Variants in BMP5 observed in about 807,000 individuals in gnomAD.
BMP5 encodes bone morphogenetic protein 5.
A neutral mutation model predicts 46.6 loss-of-function variants in BMP5; 23 were observed. The ratio of observed to expected loss-of-function variants is 0.49; its 90% CI spans 0.35 to 0.70. The LOEUF is 0.70. Ranked by LOEUF, BMP5 falls within the 30% of genes least tolerant of loss-of-function variation. The pLI, the probability that BMP5 is intolerant of heterozygous loss-of-function variation, is 0.00. For synonymous variants in BMP5, 204 were observed against 191.9 expected, an observed-to-expected ratio of 1.06 and a Z score of -0.52; for missense variants, 545 against 565.6, an observed-to-expected ratio of 0.96 and a Z score of 0.37.
chr6:55,857,636 T>C (rs1265918862), intron 1 of BMP5, among the ~76,000 whole-genome samples: 9 of 152,248 alleles, frequency 5.9e-5, no homozygotes, highest in Admixed American at 3.9e-4. Context: ...ATAAAGTATA[T>C]AATTTGTGGG....
chr6:55,827,671 TA>T (rs1776564894), intron 1 of BMP5, among the ~76,000 whole-genome samples: 1 of 151,828 alleles, frequency 6.6e-6, no homozygotes, highest in East Asian at 1.9e-4. Flanking sequence ...AAGGAAAAAT[TA>T]TTAAGTGAAT....
At chr6:55,756,665 AG>A (rs1255071486) in intron 6 of BMP5, among the ~76,000 whole-genome samples, 1 of 151,890 alleles carries the variant, frequency 6.6e-6, no homozygotes, top group Non-Finnish European at 1.5e-5. Context: ...GAAATGATAT[AG>A]GGGCCTTGCA....
At chr6:55,779,857 A>G (rs982869664) in intron 3 of BMP5, among the ~76,000 whole-genome samples, 3 of 149,380 alleles carry the variant, frequency 2.0e-5, no homozygotes, top group African/African-American at 7.3e-5. Flanking sequence ...TTGTTTTTCA[A>G]ATGGTTTACA....
intron 1 of BMP5, among the ~76,000 whole-genome samples, chr6:55,849,367 A>G (rs1333812443): frequency 6.6e-6 from 1 of 152,116 alleles, no homozygotes; most frequent in Admixed American, 6.6e-5. Flanking sequence ...ATGTGCACAC[A>G]TATACCAGGG....
chr6:55,793,184 G>C (rs1318576261), intron 3 of BMP5, among the ~76,000 whole-genome samples: 1 of 152,058 alleles, frequency 6.6e-6, no homozygotes, highest in African/African-American at 2.4e-5. Context: ...TGAATATATT[G>C]GCCTTGGCTT....
At chr6:55,857,853 C>T (rs1777436196) in intron 1 of BMP5, among the ~76,000 whole-genome samples, 1 of 151,918 alleles carries the variant, frequency 6.6e-6, no homozygotes, top group Non-Finnish European at 1.5e-5. Flanking sequence ...ATTCTCCTGC[C>T]TCAGCCTCCC....
rs1377854338 is a variant in BMP5 at position 55,819,780 on chromosome 6, T to C, written c.558A>G (p.Gln186=). 1.9e-6 allele frequency: 3 copies of C among 1,613,806 alleles called. No homozygotes were observed. The highest frequency in any genetic ancestry group is 8.5e-7 in the Non-Finnish European group (1 of 1,179,838). The stretch of plus-strand genomic sequence containing the variant: ...CTGTCACTGCCTCTCCATGAGGAAT[T>C]TGGGTAAGATCAAATCGAAATTCTT... The part of the protein sequence containing the change: ...HYKEFRFDLT[Q]IPHGEAVTAA... Residue 186 remains glutamine, a synonymous_variant, in exon 2 of 7, where the codon CAA becomes CAG. Coordinates refer to ENST00000370830, the MANE Select transcript of BMP5 (RefSeq NM_021073.4).
chr6:55,762,877 G>A (rs1774821069), intron 4 of BMP5, among the ~76,000 whole-genome samples: 1 of 152,002 alleles, frequency 6.6e-6, no homozygotes. Context: ...ACTCGATTTT[G>A]CTGCTGTAGT....
At chr6:55,847,913 C>T (rs1221336451) in intron 1 of BMP5, among the ~76,000 whole-genome samples, 1 of 151,816 alleles carries the variant, frequency 6.6e-6, no homozygotes, top group African/African-American at 2.4e-5. Context: ...TATAGATCAC[C>T]AATATTGTTA....
chr6:55,844,989 T>C lies in BMP5; in HGVS notation c.491-25142A>G, dbSNP rs376808315. Among the ~76,000 whole-genome samples the C allele has an allele frequency of 5.2e-4, 79 of 152,172 alleles. No individual in the cohort carries two copies. In the South Asian group the frequency reaches 0.016, roughly 31 times the overall value. ...TTTATATCATATAGCTTTAGTTTAATTCACCATGTACGTGACTATCAGTTA... is the reference window on the plus strand; with the variant it reads ...TTTATATCATATAGCTTTAGTTTAACTCACCATGTACGTGACTATCAGTTA... On this transcript the variant is annotated intron_variant, in intron 1 of 6. Coordinates refer to ENST00000370830, the MANE Select transcript of BMP5 (RefSeq NM_021073.4).
chr6:55,769,617 A>G (rs1774999728), intron 4 of BMP5, among the ~76,000 whole-genome samples: 1 of 151,916 alleles, frequency 6.6e-6, no homozygotes, highest in Non-Finnish European at 1.5e-5. Flanking sequence ...CCCCTCATAA[A>G]TCATGAGTGT....
chr6:55,805,229 G>T (rs1163886469), intron 2 of BMP5, among the ~76,000 whole-genome samples: 1 of 152,060 alleles, frequency 6.6e-6, no homozygotes, highest in Non-Finnish European at 1.5e-5. Flanking sequence ...ACAGATACTT[G>T]ATTTTATTTA....
chr6:55,874,553 A>G lies in BMP5; in HGVS notation c.313T>C (p.Leu105=). The G allele has an allele frequency of 6.2e-7, 1 of 1,613,480 alleles. No homozygotes were observed. The highest frequency in any genetic ancestry group is 8.5e-7 in the Non-Finnish European group (1 of 1,179,668). Residue 105 remains leucine (L), a synonymous_variant, in exon 1 of 7, where the codon TTG becomes CTG. Transcript: ENST00000370830. ...EESEYSVRAS[L]AEETRGARKG... ...CTTGCCCCTCTGGTCTCTTCTGCCA[A>G]GGATGCCCTTACTGAGTACTCCGAC... is the stretch of plus-strand genomic sequence containing the variant.
Position 55,774,361 on chromosome 6 carries a change from T to C in BMP5, c.833-118A>G, listed in dbSNP as rs983219554. ...AGTTTTAAAACATTATCAGAATGCC[T>C]TCCTTACAGGCCAAGATTCTTATAA... On this transcript the variant is annotated intron_variant, in intron 3 of 6. Transcript: ENST00000370830. 4.4e-6 allele frequency: 4 copies of C among 911,372 alleles called. No individual in the cohort carries two copies. In the African/African-American group the frequency reaches 6.6e-5, roughly 15 times the overall value. The allele number at this position is 911,372 out of a possible 1,614,324, so 56.5% of individuals were successfully genotyped here. A position where few individuals can be genotyped will look rare whatever the true frequency, so the allele number is the denominator to read the frequency against.
Position 55,774,142 on chromosome 6 carries a change from G to A in BMP5, c.934C>T (p.Leu312Phe). ...VAFFKASEVL[L>F]RSVRAANKRK... is the part of the protein sequence containing the mutation. ...TTGTTGGCTGCTCTCACGGATCGAA[G>A]AAGTACCTCACTCGCCTTGAAGAAG... The change falls in exon 4 of 7, where the codon CTT (leucine) becomes TTT (phenylalanine). Residue 312 changes from leucine (L) to phenylalanine (F), a missense_variant. Transcript: ENST00000370830. 6.2e-7 allele frequency: 1 copy of A among 1,613,192 alleles called. No individual in the cohort carries two copies. The highest frequency in any genetic ancestry group is 8.5e-7 in the Non-Finnish European group (1 of 1,179,454).
At chr6:55,836,798 T>C (rs1776806092) in intron 1 of BMP5, among the ~76,000 whole-genome samples, 1 of 152,108 alleles carries the variant, frequency 6.6e-6, no homozygotes, top group African/African-American at 2.4e-5. Flanking sequence ...TTTATTCCAG[T>C]GCAAAGAATC....
intron 1 of BMP5, among the ~76,000 whole-genome samples, chr6:55,842,733 T>C (rs1776992539): frequency 6.6e-6 from 1 of 152,100 alleles, no homozygotes; most frequent in African/African-American, 2.4e-5. Context: ...CTCCACTGTC[T>C]GCTGTCTGAT....
intron 1 of BMP5, among the ~76,000 whole-genome samples, chr6:55,848,049 T>A (rs1193905681): frequency 6.6e-6 from 1 of 152,010 alleles, no homozygotes; most frequent in Non-Finnish European, 1.5e-5. Context: ...CTATTTACTT[T>A]CCTAGTCAAA....
intron 1 of BMP5, among the ~76,000 whole-genome samples, chr6:55,848,499 A>G (rs1285602053): frequency 6.6e-6 from 1 of 151,952 alleles, no homozygotes; most frequent in Non-Finnish European, 1.5e-5. Flanking sequence ...CGATATGATA[A>G]ATGGTATCAC....
Sources: allele counts gnomAD v4.1 joint callset (sites outside exome capture counted in the v4.1 genomes callset), GRCh38; gene constraint gnomAD v4.1.1; transcripts MANE v1.5; gene names NCBI Gene and HGNC (gene_info 2026-07-23, HGNC 2026-07-21).